The following FIG4 variants were observed in gnomAD, a reference collection of about 807,000 sequenced individuals.
FIG4 encodes the protein polyphosphoinositide phosphatase.
A neutral mutation model predicts 118.6 loss-of-function variants in FIG4; 112 were observed. The ratio of observed to expected loss-of-function variants is 0.94; its 90% confidence interval spans 0.81 to 1.11. The LOEUF is 1.11. Among genes scored for constraint, FIG4 ranks in the 50% least tolerant of loss-of-function variants. The pLI is 0.00. For missense variants in FIG4, 969 were observed against 1,111.7 expected (o/e 0.87, Z 1.83); for synonymous variants, 369 against 381.2 (o/e 0.97, Z 0.37).
chr6:109,738,876 A>C (rs758220395), intron 7 of FIG4, among the ~76,000 whole-genome samples: 21 of 152,140 alleles, frequency 1.4e-4, no homozygotes, highest in Non-Finnish European at 3.1e-4. Flanking sequence ...GTGTGTGTAG[A>C]GGTGGAAAAA....
chr6:109,789,229 G>A (rs1778069012), intron 18 of FIG4, among the ~76,000 whole-genome samples: 1 of 152,208 alleles, frequency 6.6e-6, no homozygotes. Flanking sequence ...CATCTTAGCA[G>A]AAGTTCAGAT....
chr6:109,739,558 C>T (rs1287884071), intron 7 of FIG4, among the ~76,000 whole-genome samples: 4 of 151,982 alleles, frequency 2.6e-5, no homozygotes, highest in African/African-American at 7.2e-5. Context: ...GAAACTTTTG[C>T]TTCTTCATTT....
At chr6:109,811,587 A>T (rs1281651904) in intron 22 of FIG4, among the ~76,000 whole-genome samples, 1 of 152,204 alleles carries the variant, frequency 6.6e-6, no homozygotes, top group Admixed American at 6.5e-5. Context: ...GTCACTGGGG[A>T]CATAGTAGAA....
intron 22 of FIG4, among the ~76,000 whole-genome samples, chr6:109,802,632 C>T (rs1482973309): frequency 6.6e-6 from 1 of 152,196 alleles, no homozygotes; most frequent in African/African-American, 2.4e-5. Flanking sequence ...TCTGGATCCA[C>T]AAGAATTAGA....
rs767193357 is a variant in FIG4, at chr6:109,791,436, G to GC, written c.2247dup (p.Ser750GlnfsTer10). On this transcript the variant is annotated frameshift_variant, in exon 20 of 23. Transcript: ENST00000230124. LOFTEE classifies it high-confidence loss of function. ...GGAAAACGGCAGCCAGCGCCCCGCC[G>GC]CCCCCCAGCGAGGAGGCTGTGTCCA... The GC allele has an allele frequency of 3.7e-6, 6 of 1,613,462 alleles. No homozygotes were observed. Among genetic ancestry groups the GC allele is most frequent in the Non-Finnish European group, 5.1e-6 (6 of 1,179,968 alleles).
chr6:109,718,618 A>T (rs945616855), intron 3 of FIG4, among the ~76,000 whole-genome samples: 2 of 152,048 alleles, frequency 1.3e-5, no homozygotes, highest in African/African-American at 4.8e-5. Context: ...GTATAACATG[A>T]CTGGTTTCTT....
intron 5 of FIG4, among the ~76,000 whole-genome samples, chr6:109,734,105 C>T (rs1206831470): frequency 6.6e-6 from 1 of 151,724 alleles, no homozygotes; most frequent in African/African-American, 2.4e-5. Context: ...AAAAATGATA[C>T]AATTGAACTT....
intron 18 of FIG4, among the ~76,000 whole-genome samples, chr6:109,787,776 T>C (rs1402334072): frequency 6.6e-6 from 1 of 152,158 alleles, no homozygotes; most frequent in African/African-American, 2.4e-5. Flanking sequence ...TACTGGACCA[T>C]TGCTTCTAAG....
At chr6:109,788,450 ACACT>A (rs1298525310) in intron 18 of FIG4, among the ~76,000 whole-genome samples, 1 of 152,234 alleles carries the variant, frequency 6.6e-6, no homozygotes, top group Non-Finnish European at 1.5e-5. Context: ...TGTGAAAAAG[ACACT>A]CATTTACGAT....
chr6:109,777,123 T>A, intron 16 of FIG4, 63 bp downstream of exon 16: 8 of 1,437,978 alleles, frequency 5.6e-6, no homozygotes, highest in South Asian at 1.2e-5. Flanking sequence ...TATGAGATAC[T>A]TTTCATTTTG....
chr6:109,727,709 A>G (rs1775864696), intron 4 of FIG4, among the ~76,000 whole-genome samples: 1 of 152,246 alleles, frequency 6.6e-6, no homozygotes, highest in Admixed American at 6.5e-5. Context: ...CACATCACCA[A>G]TAATGAGACG....
chr6:109,799,612 TACTC>T (rs1415755075), intron 22 of FIG4, among the ~76,000 whole-genome samples: 2 of 152,262 alleles, frequency 1.3e-5, no homozygotes, highest in Non-Finnish European at 2.9e-5. Flanking sequence ...TTCATAATCT[TACTC>T]AGTTTTTCTT....
intron 5 of FIG4, 61 bp downstream of exon 5, chr6:109,732,748 G>T: frequency 9.9e-7 from 1 of 1,014,842 alleles, no homozygotes; most frequent in Non-Finnish European, 1.5e-6. Flanking sequence ...ATTTTCCAGC[G>T]GGTAAAAGCA....
At chr6:109,707,417 CTATACATATATACATATA>C (rs1562638370) in intron 1 of FIG4, among the ~76,000 whole-genome samples, 1 of 144,788 alleles carries the variant, frequency 6.9e-6, no homozygotes, top group African/African-American at 2.5e-5. Context: ...ACATATATAC[CTATACATATATACATATA>C]TATACATATA....
At chr6:109,721,038 C>T (rs150537027) in intron 3 of FIG4, among the ~76,000 whole-genome samples, 14 of 152,224 alleles carry the variant, frequency 9.2e-5, no homozygotes, top group East Asian at 5.8e-4. Context: ...CCCTTAGGTA[C>T]GTGTCCTTTT....
intron 1 of FIG4, among the ~76,000 whole-genome samples, chr6:109,703,089 A>G (rs528154468): frequency 7.0e-6 from 1 of 143,526 alleles, no homozygotes; most frequent in Admixed American, 7.2e-5. Flanking sequence ...GAAAGGGTTC[A>G]TAGAAGTTCA....
At chr6:109,755,811 A>G (rs966697775) in intron 10 of FIG4, among the ~76,000 whole-genome samples, 32 of 151,934 alleles carry the variant, frequency 2.1e-4, no homozygotes, top group Middle Eastern at 3.2e-3. Context: ...CCATCCTTTT[A>G]TTTTGAGCCT....
rs769508943 is a variant in FIG4, at chr6:109,738,469, A to G, written c.775+16A>G. On this transcript the variant is annotated intron_variant, in intron 7 of 22. Coordinates refer to ENST00000230124, the MANE Select transcript of FIG4 (RefSeq NM_014845.6). ...GGGCAGTCAAGTATCCTTTCTGAAG[A>G]AAAAGTAAGATACATATTACTAAAC... is the stretch of plus-strand genomic sequence containing the variant. The G allele has an allele frequency of 6.2e-7, 1 of 1,608,312 alleles. No homozygotes were observed. Among genetic ancestry groups the G allele is most frequent in the Admixed American group, 1.7e-5 (1 of 59,912 alleles).
chr6:109,789,261 G>T (rs961145712), intron 18 of FIG4, among the ~76,000 whole-genome samples: 1 of 152,168 alleles, frequency 6.6e-6, no homozygotes, highest in Non-Finnish European at 1.5e-5. Flanking sequence ...TATAGTAGAT[G>T]ATACTTAAAT....
Sources: allele counts gnomAD v4.1 joint callset (sites outside exome capture counted in the v4.1 genomes callset), GRCh38; gene constraint gnomAD v4.1.1; transcripts MANE v1.5; gene names NCBI Gene and HGNC (gene_info 2026-07-23, HGNC 2026-07-21).